Variants in CDCA7L observed in about 807,000 individuals in gnomAD.
The protein encoded by CDCA7L is cell division cycle-associated 7-like protein.
Under a neutral mutation model 57.4 loss-of-function variants are expected in CDCA7L, and 44 were observed. That is an observed-to-expected ratio of 0.77 (90% CI 0.60 to 0.98). CDCA7L has a LOEUF of 0.98. Among genes scored for constraint, CDCA7L ranks in the 50% least tolerant of loss-of-function variants. The pLI, the probability that CDCA7L is intolerant of heterozygous loss-of-function variation, is 0.00. For synonymous variants in CDCA7L, 236 were observed against 202.8 expected (o/e 1.16, Z -1.39); for missense variants, 644 against 580.6 (o/e 1.11, Z -1.12).
chr7:21,901,034 C>G lies in CDCA7L; in HGVS notation c.*1288G>C, dbSNP rs370940025. 1.2e-4 allele frequency: 186 copies of G among 1,610,510 alleles called. No individual in the cohort carries two copies. Among genetic ancestry groups the G allele is most frequent in the Non-Finnish European group, 1.5e-4 (174 of 1,178,218 alleles). ...GCCCGCTGGGACACCCAAGCAGGAA[C>G]CATTGTTGAAGCCCGTCTCAAGGAG... On this transcript the variant is annotated 3_prime_UTR_variant, in exon 10 of 10. Transcript: ENST00000406877.
chr7:21,902,433 T>C (rs553722479), intron 9 of CDCA7L, 81 bp from the exon 10 acceptor site: 10 of 1,363,852 alleles, frequency 7.3e-6, no homozygotes, highest in Non-Finnish European at 1.0e-5. Context: ...TCCACAATCA[T>C]CTAAGAGTAC....
In CDCA7L at chr7:21,908,405, T is replaced by C. The variant is rs1449937921; in HGVS notation, c.406A>G (p.Arg136Gly). The C allele has an allele frequency of 3.7e-6, 6 of 1,603,336 alleles. No homozygotes were observed. The highest frequency in any genetic ancestry group is 1.4e-5 in the African/African-American group (1 of 73,794). Residue 136 changes from arginine to glycine, a missense_variant, in exon 4 of 10, where the codon AGA becomes GGA. By Grantham distance (125) the Arg-to-Gly change is moderately radical. Transcript: ENST00000406877. Reference sequence around the variant, plus strand: ...ACTCGAAGACCAATACTACTTCTTCTAGACCTGCTTCTTCTAGGGGTAGCC... The same window carrying C: ...ACTCGAAGACCAATACTACTTCTTCCAGACCTGCTTCTTCTAGGGGTAGCC... ...DKATPRRSRSRRSSIGLRVAF... is the reference protein window; with the variant it reads ...DKATPRRSRSGRSSIGLRVAF...
intron 1 of CDCA7L, among the ~76,000 whole-genome samples, chr7:21,939,979 A>G (rs1186983215): frequency 6.6e-6 from 1 of 151,906 alleles, no homozygotes; most frequent in Non-Finnish European, 1.5e-5. Flanking sequence ...AAAAAAAAAA[A>G]AAAAAGGCTT....
In CDCA7L at chr7:21,901,450, C is replaced by T. The variant is rs1321813687; in HGVS notation, c.*872G>A. 1.5e-6 allele frequency: 1 copy of T among 655,850 alleles called. No homozygotes were observed. The highest frequency in any genetic ancestry group is 2.2e-6 in the Non-Finnish European group (1 of 460,276). 40.6% of individuals were successfully genotyped at this position (655,850 alleles called of 1,614,324 possible). A position where few individuals can be genotyped will look rare whatever the true frequency, so the allele number is the denominator to read the frequency against. On this transcript the variant is annotated 3_prime_UTR_variant, in exon 10 of 10. Transcript: ENST00000406877. ...CAGGGCTGAGCGTGGTGGCACACGACTGTAATCCCAGTTACTCAGGAGGTA... is the reference window on the plus strand; with the variant it reads ...CAGGGCTGAGCGTGGTGGCACACGATTGTAATCCCAGTTACTCAGGAGGTA...
chr7:21,928,569 G>A (rs1414378036), intron 1 of CDCA7L, among the ~76,000 whole-genome samples: 2 of 151,904 alleles, frequency 1.3e-5, no homozygotes, highest in Admixed American at 6.6e-5. Flanking sequence ...AAGGTTAGAG[G>A]AATTGCTAAC....
chr7:21,906,705 C>G, intron 4 of CDCA7L, 66 bp from the exon 5 acceptor site: 4 of 1,469,462 alleles, frequency 2.7e-6, no homozygotes, highest in Non-Finnish European at 3.8e-6. Context: ...CATCCAACAC[C>G]TATCTCAAGT....
At chr7:21,941,787 C>A (rs1786347880) in intron 1 of CDCA7L, among the ~76,000 whole-genome samples, 1 of 152,192 alleles carries the variant, frequency 6.6e-6, no homozygotes, top group Admixed American at 6.5e-5. Flanking sequence ...GATAACACAA[C>A]CTACTTCACA....
intron 1 of CDCA7L, among the ~76,000 whole-genome samples, chr7:21,939,046 T>TA (rs1786262119): frequency 6.6e-6 from 1 of 152,092 alleles, no homozygotes; most frequent in Admixed American, 6.6e-5. Context: ...TGATACATAC[T>TA]ATAACATGGA....
intron 1 of CDCA7L, among the ~76,000 whole-genome samples, chr7:21,927,255 C>G (rs886152864): frequency 4.6e-5 from 7 of 151,968 alleles, no homozygotes; most frequent in Admixed American, 4.6e-4. Context: ...GCTGAAAGAA[C>G]AAAAAGCACA....
chr7:21,940,507 G>A (rs1267523562), intron 1 of CDCA7L, among the ~76,000 whole-genome samples: 2 of 152,170 alleles, frequency 1.3e-5, no homozygotes, highest in South Asian at 2.1e-4. Context: ...TAAGTGGTAG[G>A]GTAAGAGAAA....
At chr7:21,904,343 G>T in intron 7 of CDCA7L, 84 bp from the exon 8 acceptor site, 6 of 1,332,432 alleles carry the variant, frequency 4.5e-6, no homozygotes, top group Non-Finnish European at 6.1e-6. Flanking sequence ...GCATTTCCAA[G>T]TATATGAAGA....
At chr7:21,914,227 G>A (rs1033438397) in intron 2 of CDCA7L, among the ~76,000 whole-genome samples, 2 of 152,158 alleles carry the variant, frequency 1.3e-5, no homozygotes, top group African/African-American at 2.4e-5. Context: ...AACACCCCCC[G>A]TGCTCACTGT....
intron 1 of CDCA7L, among the ~76,000 whole-genome samples, chr7:21,921,179 C>T (rs1785638415): frequency 6.6e-6 from 1 of 152,098 alleles, no homozygotes; most frequent in Non-Finnish European, 1.5e-5. Context: ...TTGACTTCTG[C>T]ATCTGCTCCA....
rs111961167 is a variant in CDCA7L at position 21,922,643 on chromosome 7, A to G, written c.25-5749T>C. Among the ~76,000 whole-genome samples the G allele has an allele frequency of 7.8e-3, 1,192 of 152,324 alleles. 10 individuals carry two copies. Among genetic ancestry groups the G allele is most frequent in the African/African-American group, 0.025 (1,051 of 41,568 alleles). The stretch of plus-strand genomic sequence containing the variant: ...TATTACCAACAGTATTAATATATCT[A>G]CTAGTGCCTAGTAGTAATAGTAGAG... On this transcript the variant is annotated intron_variant, in intron 1 of 9. Transcript: ENST00000406877.
At chr7:21,909,553 C>G (rs1180502879) in intron 3 of CDCA7L, among the ~76,000 whole-genome samples, 1 of 152,174 alleles carries the variant, frequency 6.6e-6, no homozygotes, top group Non-Finnish European at 1.5e-5. Context: ...ACTGCCAACC[C>G]TGGTATATCC....
At chr7:21,935,796 C>A (rs1400706766) in intron 1 of CDCA7L, among the ~76,000 whole-genome samples, 2 of 152,162 alleles carry the variant, frequency 1.3e-5, no homozygotes, top group African/African-American at 4.8e-5. Flanking sequence ...ATCACAAGGT[C>A]AGGAGTTCAA....
At position 21,901,981 on chromosome 7, in the gene CDCA7L, A is replaced by AT; in HGVS notation, c.*340_*341insA. 1 of 289,528 alleles carries AT rather than the reference A, an allele frequency of 3.5e-6. No individual in the cohort carries two copies. The highest frequency in any genetic ancestry group is 4.5e-5 in the Admixed American group (1 of 22,126). 17.9% of individuals were successfully genotyped at this position (289,528 alleles called of 1,614,324 possible). ...TTGGGAAGCCAAAGATAGATAGATCAAGTGCAGGAGCTGATCATACAATGT... is the reference window on the plus strand; with the variant it reads ...TTGGGAAGCCAAAGATAGATAGATCATAGTGCAGGAGCTGATCATACAATGT... On this transcript the variant is annotated 3_prime_UTR_variant, in exon 10 of 10. Transcript: ENST00000406877.
At chr7:21,923,144 G>A (rs1051578613) in intron 1 of CDCA7L, among the ~76,000 whole-genome samples, 2 of 152,252 alleles carry the variant, frequency 1.3e-5, no homozygotes, top group South Asian at 2.1e-4. Context: ...GAGATTTTAT[G>A]TTATATGTAT....
In CDCA7L at chr7:21,902,123, T is replaced by TATATAGATTC. The variant is rs936525251; in HGVS notation, c.*189_*198dup. ...ATACAGACAGGTCTGTGCATACATC[T>TATATAGATTC]ATATAGATTCCTCTGCTCTGCTGTC... On this transcript the variant is annotated 3_prime_UTR_variant, in exon 10 of 10. Transcript: ENST00000406877. The TATATAGATTC allele has an allele frequency of 2.1e-4, 130 of 622,374 alleles. No individual in the cohort carries two copies. In the African/African-American group the frequency reaches 2.3e-3, roughly 11 times the overall value. The allele number at this position is 622,374 out of a possible 1,614,324, so 38.6% of individuals were successfully genotyped here.
Sources: gnomAD v4.1 joint callset for allele counts (sites outside exome capture counted in the v4.1 genomes callset) on GRCh38, gnomAD v4.1.1 for gene constraint, MANE v1.5 for transcripts, NCBI Gene and HGNC (gene_info 2026-07-23, HGNC 2026-07-21) for gene names.